COL28A1: variants seen among roughly 807,000 people sequenced by gnomAD.
COL28A1 encodes the protein collagen type XXVIII alpha 1 chain.
A neutral mutation model predicts 150.2 loss-of-function variants in COL28A1; 161 were observed. That is an observed-to-expected ratio of 1.07 (90% confidence interval 0.94 to 1.22). The LOEUF (loss-of-function observed/expected upper bound fraction) is 1.22, where lower values mean the gene tolerates loss of function less well. COL28A1 is among the 50% of genes most tolerant of loss of function. The pLI is 0.00. For missense variants in COL28A1, 1,617 were observed against 1,388.3 expected (o/e 1.16, Z -2.62); for synonymous variants, 552 against 469.7 (o/e 1.18, Z -2.26).
chr7:7,342,930 G>A, the COL28A1 span, among the ~76,000 whole-genome samples: 2 of 151,582 alleles, frequency 1.3e-5, no homozygotes, highest in African/African-American at 4.8e-5. Flanking sequence ...GAGTTTTCTA[G>A]AGTTGACCTC....
chr7:7,340,725 G>C, the COL28A1 span, among the ~76,000 whole-genome samples: 3 of 151,894 alleles, frequency 2.0e-5, no homozygotes, highest in Non-Finnish European at 2.9e-5. Flanking sequence ...ATTACTGCCG[G>C]GGTACTTTCG....
intron 22 of COL28A1, among the ~76,000 whole-genome samples, chr7:7,436,772 G>A (rs1042251345): frequency 6.6e-6 from 1 of 152,204 alleles, no homozygotes; most frequent in South Asian, 2.1e-4. Context: ...AGGCACAGTG[G>A]CTCACACCTA....
At chr7:7,458,203 G>C (rs1353895748) in intron 15 of COL28A1, among the ~76,000 whole-genome samples, 1 of 152,172 alleles carries the variant, frequency 6.6e-6, no homozygotes, top group Non-Finnish European at 1.5e-5. Context: ...GATCCCCTGA[G>C]ATCGGGAGTT....
rs1187420993 is a variant in COL28A1 at position 7,456,111 on chromosome 7, C to A, written c.1304G>T (p.Gly435Val). The change falls in exon 16 of 35, where the codon GGG (glycine) becomes GTG (valine). Residue 435 changes from glycine (G) to valine (V), a missense_variant and splice_region_variant. By Grantham distance (109) the Gly-to-Val change is moderately radical. Coordinates refer to ENST00000399429, the MANE Select transcript of COL28A1 (RefSeq NM_001037763.3). ...TTGGGGTCCCACAGGTCCTATATCC[C>A]CCTGCACAGAAAATAAGCCAGGAAA... ...LQGLSIKGEK[G>V]DIGPVGPQGP... The A allele has an allele frequency of 1.9e-6, 3 of 1,611,670 alleles. No homozygotes were observed. Among genetic ancestry groups the A allele is most frequent in the Admixed American group, 1.7e-5 (1 of 59,814 alleles).
At chr7:7,437,533 T>C (rs1785433538) in intron 21 of COL28A1, 71 bp from the exon 22 acceptor site, 1 of 1,527,904 alleles carries the variant, frequency 6.5e-7, no homozygotes, top group African/African-American at 1.4e-5. Context: ...TTAAGAAAAG[T>C]ACAGAAATGT....
At chr7:7,530,351 A>G (rs1782279020) in intron 3 of COL28A1, among the ~76,000 whole-genome samples, 1 of 152,204 alleles carries the variant, frequency 6.6e-6, no homozygotes, top group South Asian at 2.1e-4. Flanking sequence ...AAAGCAACAG[A>G]GAGTAAAAAG....
chr7:7,350,766 C>T, the COL28A1 span, among the ~76,000 whole-genome samples: 1 of 148,834 alleles, frequency 6.7e-6, no homozygotes, highest in Non-Finnish European at 1.5e-5. Context: ...CAAACCATAG[C>T]ACTCCTTATT....
intron 27 of COL28A1, among the ~76,000 whole-genome samples, chr7:7,405,978 C>T (rs564896420): frequency 6.6e-6 from 1 of 152,116 alleles, no homozygotes. Context: ...AGACACAATA[C>T]CCTTAGCTTT....
chr7:7,408,212 G>T (rs1022741804), intron 27 of COL28A1, among the ~76,000 whole-genome samples: 2 of 152,044 alleles, frequency 1.3e-5, no homozygotes, highest in African/African-American at 4.8e-5. Context: ...AAGAACTGCC[G>T]CTGAAGAATT....
chr7:7,420,152 C>T (rs1226837940), intron 25 of COL28A1, 199 bp from the exon 26 acceptor site: 3 of 365,328 alleles, frequency 8.2e-6, no homozygotes, highest in African/African-American at 4.2e-5. Context: ...TTAATCAAGT[C>T]AATTAACTTC....
Position 7,522,806 on chromosome 7 carries a change from C to CAAAAA in COL28A1, c.703-850_703-846dup, listed in dbSNP as rs200294353. 5.8e-3 allele frequency among the ~76,000 whole-genome samples: 537 copies of CAAAAA among 93,028 alleles called. 43 individuals are homozygous for CAAAAA. The highest frequency in any genetic ancestry group is 0.025 in the African/African-American group (494 of 19,624). 61.0% of individuals were successfully genotyped at this position (93,028 alleles called of 152,430 possible). On this transcript the variant is annotated intron_variant, in intron 4 of 34. Coordinates refer to ENST00000399429, the MANE Select transcript of COL28A1 (RefSeq NM_001037763.3). ...ACTAACACTAACGATAGCTGAAGAGCAAAAAAAAAAAAAAAAAAAAAAAAA... is the reference window on the plus strand; with the variant it reads ...ACTAACACTAACGATAGCTGAAGAGCAAAAAAAAAAAAAAAAAAAAAAAAAAAAAA...
chr7:7,481,727 T>C (rs140141014), intron 13 of COL28A1, among the ~76,000 whole-genome samples: 17 of 152,332 alleles, frequency 1.1e-4, no homozygotes, highest in African/African-American at 4.1e-4. Context: ...CGTAGTAATC[T>C]CAATAGTGTT....
At chr7:7,355,220 C>T (rs1780319665), downstream of COL28A1, among the ~76,000 whole-genome samples, 1 of 152,022 alleles carries the variant, frequency 6.6e-6, no homozygotes, top group South Asian at 2.1e-4. Flanking sequence ...ACAAACAATC[C>T]AATAAAGAAA....
At chr7:7,426,287 G>A (rs970831048) in intron 25 of COL28A1, among the ~76,000 whole-genome samples, 1 of 152,184 alleles carries the variant, frequency 6.6e-6, no homozygotes, top group East Asian at 1.9e-4. Flanking sequence ...ATAAAATTAA[G>A]ATATAACTAC....
At chr7:7,507,538 G>A (rs1780878959) in intron 9 of COL28A1, among the ~76,000 whole-genome samples, 1 of 152,174 alleles carries the variant, frequency 6.6e-6, no homozygotes, top group Non-Finnish European at 1.5e-5. Flanking sequence ...GCATTTCCAT[G>A]CTATCTAGAT....
intron 27 of COL28A1, among the ~76,000 whole-genome samples, chr7:7,410,417 T>A (rs1482595122): frequency 6.6e-6 from 1 of 152,148 alleles, no homozygotes; most frequent in African/African-American, 2.4e-5. Flanking sequence ...AGGCCTCTCA[T>A]GTGGTCTCGA....
intron 18 of COL28A1, among the ~76,000 whole-genome samples, chr7:7,449,600 G>A (rs1476645343): frequency 2.0e-5 from 3 of 151,868 alleles, no homozygotes; most frequent in Non-Finnish European, 4.4e-5. Flanking sequence ...CAGTATGATT[G>A]TGTACATAGG....
At chr7:7,431,504 C>T (rs1213114471) in intron 25 of COL28A1, 1 of 470,724 alleles carries the variant, frequency 2.1e-6, no homozygotes, top group Non-Finnish European at 4.4e-6. Flanking sequence ...TTTTAATAAT[C>T]AGCCATCCTG....
At chr7:7,501,240 G>A (rs1196112284) in intron 11 of COL28A1, among the ~76,000 whole-genome samples, 1 of 152,208 alleles carries the variant, frequency 6.6e-6, no homozygotes, top group African/African-American at 2.4e-5. Flanking sequence ...TAGAACAATG[G>A]AAGGAGTTAG....
Sources: allele counts gnomAD v4.1 joint callset (sites outside exome capture counted in the v4.1 genomes callset), GRCh38; gene constraint gnomAD v4.1.1; transcripts MANE v1.5; gene names NCBI Gene and HGNC (gene_info 2026-07-23, HGNC 2026-07-21).